The following ELAC1 variants were observed in gnomAD, a reference collection of about 807,000 sequenced individuals.
ELAC1 encodes zinc phosphodiesterase ELAC protein 1.
A neutral mutation model predicts 25.8 loss-of-function variants in ELAC1; 19 were observed. The observed-to-expected ratio is 0.74, with a 90% CI of 0.51 to 1.08. The LOEUF is 1.08. Ranked by LOEUF, ELAC1 falls within the 50% of genes least tolerant of loss-of-function variation. The pLI is 0.00. For missense variants in ELAC1, 403 were observed against 434.6 expected, an observed-to-expected ratio of 0.93 and a Z score of 0.65; for synonymous variants, 148 against 160.9, an observed-to-expected ratio of 0.92 and a Z score of 0.61.
intron 2 of ELAC1, among the ~76,000 whole-genome samples, chr18:50,975,475 C>T (rs1907777161): frequency 6.6e-6 from 1 of 151,430 alleles, no homozygotes; most frequent in African/African-American, 2.4e-5. Flanking sequence ...TGTTCTTTAT[C>T]TCCCTATACT....
chr18:50,987,327 C>T lies in ELAC1; in HGVS notation c.*242C>T. On this transcript the variant is annotated 3_prime_UTR_variant, in exon 4 of 4. Transcript: ENST00000269466. Reference sequence around the variant, plus strand: ...AGTCCAGATTTGTCAAAATGATAGACTATTCAGTTATACATCTTATTTTGT... The same window carrying T: ...AGTCCAGATTTGTCAAAATGATAGATTATTCAGTTATACATCTTATTTTGT... 2.7e-6 allele frequency: 1 copy of T among 372,984 alleles called. No individual in the cohort carries two copies. The highest frequency in any genetic ancestry group is 4.8e-6 in the Non-Finnish European group (1 of 209,322). 23.1% of individuals were successfully genotyped at this position (372,984 alleles called of 1,614,324 possible). A position where few individuals can be genotyped will look rare whatever the true frequency, so the allele number is the denominator to read the frequency against.
intron 2 of ELAC1, among the ~76,000 whole-genome samples, chr18:50,981,843 CTT>C (rs750956755): frequency 5.9e-5 from 7 of 117,864 alleles, no homozygotes; most frequent in Admixed American, 1.7e-4. Context: ...TGCTATAGTT[CTT>C]TTTTTTTTTT....
rs749007341 is a variant in ELAC1 at position 50,987,361 on chromosome 18, C to T, written c.*276C>T. 7.2e-6 allele frequency: 2 copies of T among 278,034 alleles called. No homozygotes were observed. Among genetic ancestry groups the T allele is most frequent in the Non-Finnish European group, 1.3e-5 (2 of 149,820 alleles). The allele number at this position is 278,034 out of a possible 1,614,324, so 17.2% of individuals were successfully genotyped here. A position where few individuals can be genotyped will look rare whatever the true frequency, so the allele number is the denominator to read the frequency against. On this transcript the variant is annotated 3_prime_UTR_variant, in exon 4 of 4. Transcript: ENST00000269466. ...TATACATCTTATTTTGTGCTACTAC[C>T]ACAGATAGCCAATATTCCATGCAGT...
intron 1 of ELAC1, among the ~76,000 whole-genome samples, chr18:50,972,298 T>G (rs985738988): frequency 1.3e-5 from 2 of 152,150 alleles, no homozygotes; most frequent in Non-Finnish European, 2.9e-5. Flanking sequence ...AAAGTGAGCA[T>G]CTTTCTTTGC....
At position 50,986,620 on chromosome 18, in the gene ELAC1, T is replaced by G. The variant is rs1452599463; in HGVS notation, c.627T>G (p.Gly209=). The G allele has an allele frequency of 6.2e-7, 1 of 1,602,070 alleles. No individual in the cohort carries two copies. Among genetic ancestry groups the G allele is most frequent in the Non-Finnish European group, 8.5e-7 (1 of 1,172,734 alleles). The change falls in exon 4 of 4, where the codon GGT becomes GGG. Residue 209 remains glycine, a splice_region_variant and synonymous_variant. Coordinates refer to ENST00000269466, the MANE Select transcript of ELAC1 (RefSeq NM_018696.3). ...AATGTTATCTGCCTTCATCATTAGG[T>G]GTTCCACCAGGTCCTGCCTATGGGA... ...KLNAQKLKDL[G]VPPGPAYGKL...
At chr18:50,985,773 G>A (rs1908092091) in intron 3 of ELAC1, among the ~76,000 whole-genome samples, 1 of 152,144 alleles carries the variant, frequency 6.6e-6, no homozygotes, top group Admixed American at 6.5e-5. Flanking sequence ...GGAATTGGTG[G>A]TCATACTATA....
intron 2 of ELAC1, among the ~76,000 whole-genome samples, chr18:50,980,861 C>T (rs971707105): frequency 1.3e-5 from 2 of 151,848 alleles, no homozygotes; most frequent in African/African-American, 4.8e-5. Context: ...ACTTCAGATG[C>T]CCCTAGTCTC....
chr18:50,970,078 G>A (rs1907611465), intron 1 of ELAC1, among the ~76,000 whole-genome samples: 1 of 151,990 alleles, frequency 6.6e-6, no homozygotes, highest in African/African-American at 2.4e-5. Flanking sequence ...TTATTGATAG[G>A]GTTTTTTGTT....
At chr18:50,985,226 G>A (rs1449425556) in intron 3 of ELAC1, among the ~76,000 whole-genome samples, 1 of 152,146 alleles carries the variant, frequency 6.6e-6, no homozygotes, top group Non-Finnish European at 1.5e-5. Flanking sequence ...CCTTTGATAC[G>A]TGTTTTTGAT....
chr18:50,986,988 T>C lies in ELAC1; in HGVS notation c.995T>C (p.Ile332Thr), dbSNP rs530194347. ...GCCAGAGAAGGAGAAACAGATGGCA[T>C]TGCAGAACTAAAAAAGCAAGCTGAA... ...ALAREGETDG[I>T]AELKKQAESV... The change falls in exon 4 of 4, where the codon ATT becomes ACT. Residue 332 changes from isoleucine to threonine, a missense_variant. Coordinates refer to ENST00000269466, the MANE Select transcript of ELAC1 (RefSeq NM_018696.3). The C allele has an allele frequency of 9.3e-6, 15 of 1,613,444 alleles. No homozygotes were observed. Among genetic ancestry groups the C allele is most frequent in the Admixed American group, 1.7e-5 (1 of 59,836 alleles).
At chr18:50,981,330 A>C (rs533320304) in intron 2 of ELAC1, among the ~76,000 whole-genome samples, 60 of 151,632 alleles carry the variant, frequency 4.0e-4, no homozygotes, top group African/African-American at 1.4e-3. Flanking sequence ...ATAGTATGGG[A>C]GTGTGTGTGT....
At chr18:50,982,899 A>C (rs1328878373) in intron 2 of ELAC1, among the ~76,000 whole-genome samples, 1 of 150,342 alleles carries the variant, frequency 6.7e-6, no homozygotes, top group African/African-American at 2.5e-5. Context: ...CTTCCACCTC[A>C]CCCAGACAAG....
At chr18:50,980,763 G>GAAAA (rs761954317) in intron 2 of ELAC1, among the ~76,000 whole-genome samples, 1 of 67,830 alleles carries the variant, frequency 1.5e-5, no homozygotes, top group African/African-American at 4.5e-5. Flanking sequence ...ACTCCATCTC[G>GAAAA]AAAAAAAAAA....
chr18:50,973,362 G>A (rs1001229277), intron 1 of ELAC1, among the ~76,000 whole-genome samples: 7 of 152,228 alleles, frequency 4.6e-5, no homozygotes, highest in Admixed American at 3.9e-4. Context: ...AAGTATATCA[G>A]TGATGTCAGA....
intron 2 of ELAC1, among the ~76,000 whole-genome samples, chr18:50,978,103 T>C (rs1026086827): frequency 6.6e-6 from 1 of 152,222 alleles, no homozygotes; most frequent in Non-Finnish European, 1.5e-5. Flanking sequence ...CTTTCCCATG[T>C]CTTCCTGTCT....
chr18:50,980,285 G>T (rs1907909802), intron 2 of ELAC1, among the ~76,000 whole-genome samples: 1 of 151,934 alleles, frequency 6.6e-6, no homozygotes, highest in African/African-American at 2.4e-5. Flanking sequence ...ACTCCAGCCT[G>T]GTGACAGAGC....
At chr18:50,974,057 C>T (rs1402493643) in intron 1 of ELAC1, among the ~76,000 whole-genome samples, 1 of 152,194 alleles carries the variant, frequency 6.6e-6, no homozygotes, top group East Asian at 1.9e-4. Context: ...TTCATTCTTC[C>T]TTCTCTCACC....
chr18:50,986,050 C>G (rs1908102156), intron 3 of ELAC1, among the ~76,000 whole-genome samples: 2 of 116,236 alleles, frequency 1.7e-5, no homozygotes, highest in Non-Finnish European at 1.6e-5. Context: ...CAGTCTCACT[C>G]TGTTGTCCAG....
At chr18:50,975,289 G>A (rs886442783) in intron 2 of ELAC1, among the ~76,000 whole-genome samples, 2 of 152,064 alleles carry the variant, frequency 1.3e-5, no homozygotes, top group African/African-American at 4.8e-5. Flanking sequence ...TTCTCTGTGT[G>A]ATTGCCTCTT....
Sources: gnomAD v4.1 joint callset for allele counts (sites outside exome capture counted in the v4.1 genomes callset) on GRCh38, gnomAD v4.1.1 for gene constraint, MANE v1.5 for transcripts, NCBI Gene and HGNC (gene_info 2026-07-23, HGNC 2026-07-21) for gene names.